MET: variants seen among roughly 807,000 people sequenced by gnomAD.
MET encodes hepatocyte growth factor receptor.
Under a neutral mutation model 133.1 loss-of-function variants are expected in MET, and 48 were observed. The observed-to-expected ratio is 0.36, with a 90% CI of 0.29 to 0.46. The LOEUF (loss-of-function observed/expected upper bound fraction) is 0.46. Among genes scored for constraint, MET ranks in the 20% least tolerant of loss-of-function variants. The pLI is 1.00. For synonymous variants in MET, 628 were observed against 616.5 expected, an observed-to-expected ratio of 1.02 and a Z score of -0.28; for missense variants, 1,442 against 1,695.9, an observed-to-expected ratio of 0.85 and a Z score of 2.63.
At chr7:116,685,485 A>G (rs879630821) in intron 1 of MET, among the ~76,000 whole-genome samples, 2 of 152,036 alleles carry the variant, frequency 1.3e-5, no homozygotes, top group Non-Finnish European at 2.9e-5. Flanking sequence ...CAGGAGTTCA[A>G]GACCAGCCTG....
At chr7:116,675,702 A>G (rs907812535) in intron 1 of MET, among the ~76,000 whole-genome samples, 1 of 151,720 alleles carries the variant, frequency 6.6e-6, no homozygotes, top group Non-Finnish European at 1.5e-5. Flanking sequence ...TGAATATAAC[A>G]TATCTAGTCC....
intron 1 of MET, among the ~76,000 whole-genome samples, chr7:116,693,963 T>G (rs1221883668): frequency 6.6e-6 from 1 of 152,206 alleles, no homozygotes; most frequent in African/African-American, 2.4e-5. Context: ...ATATTTTAGA[T>G]GAGAAAATAC....
At chr7:116,754,899 GAAAGAAAGAAAGAA>G (rs1794074057) in intron 5 of MET, among the ~76,000 whole-genome samples, 1 of 55,892 alleles carries the variant, frequency 1.8e-5, no homozygotes, top group Admixed American at 2.4e-4. Context: ...AAGAGAGAAA[GAAAGAAAGAAAGAA>G]AGAAAGAAAG....
In MET at chr7:116,733,360, T is replaced by A. The variant is rs146047396; in HGVS notation, c.1392+1501T>A. On this transcript the variant is annotated intron_variant, in intron 3 of 20. Transcript: ENST00000397752. Reference sequence around the variant, plus strand: ...ATCTTTATTTCTGCTTTTTTTTTTTTCAAAATCGTCCATTACCTCACCAAT... The same window carrying A: ...ATCTTTATTTCTGCTTTTTTTTTTTACAAAATCGTCCATTACCTCACCAAT... Among the ~76,000 whole-genome samples the A allele has an allele frequency of 2.8e-3, 430 of 152,112 alleles. 2 individuals carry two copies. The highest frequency in any genetic ancestry group is 9.9e-3 in the African/African-American group (411 of 41,530).
chr7:116,701,332 T>A (rs891701280), intron 2 of MET, among the ~76,000 whole-genome samples: 5 of 152,150 alleles, frequency 3.3e-5, no homozygotes, highest in Non-Finnish European at 5.9e-5. Flanking sequence ...GGTTTCAATC[T>A]AAGATATAAA....
At chr7:116,704,112 GTGACTTCTGCCACATTACC>G (rs1468318098) in intron 2 of MET, among the ~76,000 whole-genome samples, 1 of 152,124 alleles carries the variant, frequency 6.6e-6, no homozygotes, top group East Asian at 1.9e-4. Context: ...TACCAACCAT[GTGACTTCTGCCACATTACC>G]TGACTTCTTG....
At chr7:116,677,003 T>TTTTTGTTTTG (rs796135481) in intron 1 of MET, among the ~76,000 whole-genome samples, 2 of 151,860 alleles carry the variant, frequency 1.3e-5, no homozygotes, top group East Asian at 3.9e-4. Flanking sequence ...TTTTTTTGTT[T>TTTTTGTTTTG]TTTTGTTTTG....
At chr7:116,682,982 T>C (rs1796416362) in intron 1 of MET, among the ~76,000 whole-genome samples, 1 of 152,220 alleles carries the variant, frequency 6.6e-6, no homozygotes, top group Non-Finnish European at 1.5e-5. Flanking sequence ...GTCTTGACCC[T>C]GTTGTTCCCC....
chr7:116,782,205 C>A (rs1795178374), intron 18 of MET, 108 bp downstream of exon 18: 1 of 801,126 alleles, frequency 1.2e-6, no homozygotes, highest in Admixed American at 2.0e-5. Flanking sequence ...TGCAAAAGTC[C>A]TTTATTTCTG....
At chr7:116,771,111 A>G (rs1343065146) in intron 12 of MET, among the ~76,000 whole-genome samples, 1 of 152,216 alleles carries the variant, frequency 6.6e-6, no homozygotes, top group Non-Finnish European at 1.5e-5. Context: ...CCCACCGTCC[A>G]GGACAGAATT....
intron 19 of MET, among the ~76,000 whole-genome samples, chr7:116,791,258 C>T (rs867667440): frequency 2.0e-5 from 3 of 152,134 alleles, no homozygotes; most frequent in Non-Finnish European, 4.4e-5. Context: ...GTACATTCAA[C>T]TTTATGAGAA....
At chr7:116,742,175 C>A (rs1420538067) in intron 5 of MET, among the ~76,000 whole-genome samples, 1 of 152,124 alleles carries the variant, frequency 6.6e-6, no homozygotes, top group East Asian at 1.9e-4. Flanking sequence ...AGAACCACCC[C>A]CAAGTGCATG....
At chr7:116,761,839 T>C (rs974638932) in intron 10 of MET, among the ~76,000 whole-genome samples, 4 of 152,180 alleles carry the variant, frequency 2.6e-5, no homozygotes, top group Non-Finnish European at 5.9e-5. Context: ...GTAAGATCAT[T>C]TTTTAAATGA....
chr7:116,737,860 A>T (rs1366434391), intron 3 of MET, among the ~76,000 whole-genome samples: 1 of 152,228 alleles, frequency 6.6e-6, no homozygotes, highest in African/African-American at 2.4e-5. Context: ...AAAGTCAAAG[A>T]TGATGACCTA....
chr7:116,775,579 G>GGACA (rs1794969287), intron 15 of MET, among the ~76,000 whole-genome samples: 1 of 152,116 alleles, frequency 6.6e-6, no homozygotes, highest in Non-Finnish European at 1.5e-5. Flanking sequence ...GGTGGCGGGT[G>GGACA]CCTTTAATCC....
Position 116,797,115 on chromosome 7 carries a change from T to C in MET, c.*991T>C. The C allele has an allele frequency of 5.1e-6, 1 of 196,718 alleles. No individual in the cohort carries two copies. The highest frequency in any genetic ancestry group is 1.1e-5 in the Non-Finnish European group (1 of 94,596). 12.2% of individuals were successfully genotyped at this position (196,718 alleles called of 1,614,324 possible). ...TAGTTGTCATATAAAAACCCACTGT[T>C]TGAGAATGATGCTACTCTGATCTAA... is the stretch of plus-strand genomic sequence containing the variant. On this transcript the variant is annotated 3_prime_UTR_variant, in exon 21 of 21. Coordinates refer to ENST00000397752, the MANE Select transcript of MET (RefSeq NM_000245.4).
At chr7:116,707,650 C>A (rs1791850957) in intron 2 of MET, among the ~76,000 whole-genome samples, 1 of 152,058 alleles carries the variant, frequency 6.6e-6, no homozygotes, top group Non-Finnish European at 1.5e-5. Flanking sequence ...AGTCTACTAA[C>A]TAAACTATAG....
chr7:116,795,600 CAT>C (rs778298921), intron 19 of MET, 53 bp from the exon 20 acceptor site: 15 of 1,610,898 alleles, frequency 9.3e-6, no homozygotes, highest in Non-Finnish European at 1.3e-5. Context: ...GATTTCCTTT[CAT>C]ATATGTATGG....
At chr7:116,697,103 A>G (rs753693782) in intron 1 of MET, among the ~76,000 whole-genome samples, 2 of 152,166 alleles carry the variant, frequency 1.3e-5, no homozygotes, top group Non-Finnish European at 2.9e-5. Flanking sequence ...GTTAAAACCA[A>G]TCTACCATTC....
Sources: allele counts gnomAD v4.1 joint callset (sites outside exome capture counted in the v4.1 genomes callset), GRCh38; gene constraint gnomAD v4.1.1; transcripts MANE v1.5; gene names NCBI Gene and HGNC (gene_info 2026-07-23, HGNC 2026-07-21).